KCNN3: variants seen among roughly 807,000 people sequenced by gnomAD.
KCNN3 encodes the protein small conductance calcium-activated potassium channel protein 3.
Under a neutral mutation model 62.9 loss-of-function variants are expected in KCNN3, and 16 were observed. The observed-to-expected ratio is 0.25, with a 90% CI of 0.17 to 0.39. KCNN3 has a LOEUF of 0.39. KCNN3 is among the 10% of genes least tolerant of loss of function. The pLI, the probability that KCNN3 is intolerant of heterozygous loss-of-function variation, is 1.00. For synonymous variants in KCNN3, 370 were observed against 389.2 expected, an observed-to-expected ratio of 0.95 and a Z score of 0.58; for missense variants, 599 against 949.4, an observed-to-expected ratio of 0.63 and a Z score of 4.85.
chr1:154,735,329 C>T (rs1700688534), intron 3 of KCNN3, among the ~76,000 whole-genome samples: 1 of 152,206 alleles, frequency 6.6e-6, no homozygotes. Context: ...CCTTGGCCAG[C>T]AACTGGAGAC....
chr1:154,782,642 T>C (rs1233537230), intron 2 of KCNN3, among the ~76,000 whole-genome samples: 1 of 152,256 alleles, frequency 6.6e-6, no homozygotes, highest in Non-Finnish European at 1.5e-5. Flanking sequence ...ATTCAGTTCA[T>C]AGCTATTCCC....
rs184397188 is a variant in KCNN3 at position 154,698,250 on chromosome 1, G to C, written c.*9726C>G. 4 of 152,266 alleles carry C rather than the reference G, an allele frequency of 2.6e-5. No homozygotes were observed. Among genetic ancestry groups the C allele is most frequent in the Admixed American group, 2.6e-4 (4 of 15,288 alleles). 9.4% of individuals were successfully genotyped at this position (152,266 alleles called of 1,614,324 possible). ...GAAAAATTTATGGGAAGGAAAGTAA[G>C]GGTACAGGGTTTTCAACTTGGGGAA... is the stretch of plus-strand genomic sequence containing the variant. On this transcript the variant is annotated 3_prime_UTR_variant, in exon 8 of 8. Transcript: ENST00000271915.
intron 5 of KCNN3, among the ~76,000 whole-genome samples, chr1:154,720,273 T>C (rs1700319564): frequency 6.6e-6 from 1 of 152,224 alleles, no homozygotes; most frequent in South Asian, 2.1e-4. Context: ...TAAACGCACA[T>C]TGTTTCTGTG....
chr1:154,831,116 G>A (rs541802199), intron 1 of KCNN3, among the ~76,000 whole-genome samples: 3 of 152,332 alleles, frequency 2.0e-5, no homozygotes, highest in Admixed American at 2.0e-4. Flanking sequence ...TGCGGGAGGT[G>A]GAAACATACA....
intron 3 of KCNN3, among the ~76,000 whole-genome samples, chr1:154,748,685 G>A (rs997618275): frequency 3.9e-5 from 6 of 152,184 alleles, no homozygotes; most frequent in African/African-American, 1.4e-4. Flanking sequence ...ATTAGACCAG[G>A]TGCAGTGGCT....
chr1:154,779,893 A>T (rs1438797929), intron 2 of KCNN3, among the ~76,000 whole-genome samples: 2 of 152,108 alleles, frequency 1.3e-5, no homozygotes, highest in African/African-American at 2.4e-5. Flanking sequence ...CTCCCTTGTC[A>T]CCTGCACCTC....
chr1:154,706,666 T>A lies in KCNN3; in HGVS notation c.*1310A>T, dbSNP rs1172622821. On this transcript the variant is annotated 3_prime_UTR_variant, in exon 8 of 8. Transcript: ENST00000271915. ...CTTACCCACAAGGTTCCCTAAGGGT[T>A]CCCTTCATTCTCACAATATTTCATT... 1.3e-5 allele frequency: 2 copies of A among 152,212 alleles called. No individual in the cohort carries two copies. The highest frequency in any genetic ancestry group is 4.8e-5 in the African/African-American group (2 of 41,450). 9.4% of individuals were successfully genotyped at this position (152,212 alleles called of 1,614,324 possible). A position where few individuals can be genotyped will look rare whatever the true frequency, so the allele number is the denominator to read the frequency against.
At chr1:154,804,077 G>T (rs1175885114) in intron 2 of KCNN3, among the ~76,000 whole-genome samples, 1 of 152,178 alleles carries the variant, frequency 6.6e-6, no homozygotes, top group Non-Finnish European at 1.5e-5. Context: ...CCTCTGCAGT[G>T]GACTCCAGCC....
At chr1:154,849,191 G>GC (rs1652209210) in intron 1 of KCNN3, among the ~76,000 whole-genome samples, 1 of 152,172 alleles carries the variant, frequency 6.6e-6, no homozygotes, top group African/African-American at 2.4e-5. Flanking sequence ...CACTCAACCA[G>GC]CTCTGTCTCC....
At chr1:154,840,865 C>T (rs1378226949) in intron 1 of KCNN3, among the ~76,000 whole-genome samples, 2 of 152,230 alleles carry the variant, frequency 1.3e-5, no homozygotes, top group African/African-American at 2.4e-5. Flanking sequence ...CCCCCACCAA[C>T]GCCCTCCCCG....
chr1:154,845,097 T>C (rs1218566), intron 1 of KCNN3, among the ~76,000 whole-genome samples: 98,107 of 151,788 alleles, frequency 0.65, 32,267 homozygotes, highest in East Asian at 0.97. Flanking sequence ...ACACCAGGGA[T>C]GGCAAACCCC....
At chr1:154,764,906 C>T (rs1007757924) in intron 3 of KCNN3, among the ~76,000 whole-genome samples, 10 of 152,198 alleles carry the variant, frequency 6.6e-5, no homozygotes, top group East Asian at 1.9e-4. Context: ...AACTGGCAAA[C>T]GAGTTCCCCC....
At chr1:154,747,350 C>G (rs1411992001) in intron 3 of KCNN3, among the ~76,000 whole-genome samples, 1 of 152,174 alleles carries the variant, frequency 6.6e-6, no homozygotes, top group Non-Finnish European at 1.5e-5. Flanking sequence ...CAGACCCTCC[C>G]CTGCTCCCAA....
chr1:154,758,494 C>T (rs1470062333), intron 3 of KCNN3, among the ~76,000 whole-genome samples: 2 of 152,226 alleles, frequency 1.3e-5, no homozygotes, highest in African/African-American at 2.4e-5. Context: ...TGAGAGGGCC[C>T]GCAGGGGCTG....
chr1:154,717,608 T>C (rs1182385875), intron 5 of KCNN3, among the ~76,000 whole-genome samples: 6 of 151,220 alleles, frequency 4.0e-5, no homozygotes, highest in Non-Finnish European at 8.8e-5. Context: ...GAACACGGAG[T>C]CCAGGTCCTG....
At chr1:154,739,508 C>T (rs1447840123) in intron 3 of KCNN3, among the ~76,000 whole-genome samples, 7 of 152,148 alleles carry the variant, frequency 4.6e-5, no homozygotes, top group Non-Finnish European at 8.8e-5. Context: ...TTTCCTATTT[C>T]CGACCTTCAT....
At chr1:154,739,929 A>C (rs1321114215) in intron 3 of KCNN3, among the ~76,000 whole-genome samples, 1 of 152,216 alleles carries the variant, frequency 6.6e-6, no homozygotes, top group African/African-American at 2.4e-5. Flanking sequence ...TGACAATCTC[A>C]TGAGAGAACT....
intron 3 of KCNN3, among the ~76,000 whole-genome samples, chr1:154,754,851 C>T (rs191578026): frequency 1.5e-3 from 221 of 152,196 alleles, no homozygotes; most frequent in Middle Eastern, 3.4e-3. Context: ...CGAATACTAA[C>T]GGGTAAAGTT....
chr1:154,769,952 C>T (rs1421095097), intron 3 of KCNN3, among the ~76,000 whole-genome samples: 4 of 152,198 alleles, frequency 2.6e-5, no homozygotes, highest in Non-Finnish European at 5.9e-5. Context: ...AACAATAAAT[C>T]CTGTGTCCAG....
Sources: gnomAD v4.1 joint callset for allele counts (sites outside exome capture counted in the v4.1 genomes callset) on GRCh38, gnomAD v4.1.1 for gene constraint, MANE v1.5 for transcripts, NCBI Gene and HGNC (gene_info 2026-07-23, HGNC 2026-07-21) for gene names.